FYB2: variants seen among roughly 807,000 people sequenced by gnomAD.
FYB2 encodes the protein FYN-binding protein 2.
In FYB2, 103 loss-of-function variants were observed where a neutral mutation model predicts 94.1. The observed-to-expected ratio is 1.09, with a 90% CI of 0.93 to 1.29. The LOEUF (loss-of-function observed/expected upper bound fraction) is 1.29. Among genes scored for constraint, FYB2 ranks in the 50% most tolerant of loss-of-function variants. The probability of loss-of-function intolerance (pLI) is 0.00; values close to 1 mark genes in which losing one functional copy is unlikely to be tolerated. For synonymous variants in FYB2, 293 were observed against 287.9 expected, an observed-to-expected ratio of 1.02 and a Z score of -0.18; for missense variants, 896 against 841.5, an observed-to-expected ratio of 1.06 and a Z score of -0.80.
At chr1:56,721,175 A>G (rs1455082872) in intron 17 of FYB2, among the ~76,000 whole-genome samples, 1 of 152,078 alleles carries the variant, frequency 6.6e-6, no homozygotes, top group East Asian at 1.9e-4. Flanking sequence ...ACTGACCTAT[A>G]CATCTGCAGC....
intron 4 of FYB2, among the ~76,000 whole-genome samples, chr1:56,786,618 A>T (rs1336097358): frequency 6.6e-6 from 1 of 152,176 alleles, no homozygotes; most frequent in African/African-American, 2.4e-5. Context: ...TCTGAGCCCA[A>T]GTATCTTGAG....
intron 4 of FYB2, among the ~76,000 whole-genome samples, chr1:56,775,099 T>A (rs1180976622): frequency 6.6e-6 from 1 of 152,152 alleles, no homozygotes; most frequent in Non-Finnish European, 1.5e-5. Flanking sequence ...GACTTCACCT[T>A]GTGATCATGT....
At chr1:56,796,636 T>G (rs1177838018) in intron 1 of FYB2, among the ~76,000 whole-genome samples, 1 of 152,170 alleles carries the variant, frequency 6.6e-6, no homozygotes, top group Non-Finnish European at 1.5e-5. Context: ...TAAGCTCAAA[T>G]TCTTTTGCTT....
At chr1:56,739,011 A>G (rs573832130) in intron 13 of FYB2, among the ~76,000 whole-genome samples, 14 of 152,164 alleles carry the variant, frequency 9.2e-5, no homozygotes, top group Non-Finnish European at 1.9e-4. Context: ...TGTTCAAAGC[A>G]TGGAGGCATG....
Position 56,719,511 on chromosome 1 carries a change from G to T in FYB2, c.*160C>A, listed in dbSNP as rs1569825635. ...GTAAAACCAACATCTAAATGTTGAG[G>T]ATTTGTTTTTATTTTTCTCTTTTAA... On this transcript the variant is annotated 3_prime_UTR_variant, in exon 20 of 20. Transcript: ENST00000343433. The T allele has an allele frequency of 1.7e-6, 1 of 604,842 alleles. No homozygotes were observed. Among genetic ancestry groups the T allele is most frequent in the East Asian group, 2.9e-5 (1 of 34,500 alleles). The allele number at this position is 604,842 out of a possible 1,614,324, so 37.5% of individuals were successfully genotyped here.
chr1:56,801,358 A>T (rs994506706), intron 1 of FYB2, among the ~76,000 whole-genome samples: 9 of 152,000 alleles, frequency 5.9e-5, no homozygotes. Flanking sequence ...ATCAAACTAA[A>T]CCTACTGCTT....
At chr1:56,774,678 G>A (rs760188405) in intron 4 of FYB2, among the ~76,000 whole-genome samples, 2 of 151,946 alleles carry the variant, frequency 1.3e-5, no homozygotes, top group Non-Finnish European at 2.9e-5. Context: ...ATTGAGTGTC[G>A]ACTTGATTGG....
chr1:56,752,848 T>C (rs1645232422), intron 8 of FYB2, among the ~76,000 whole-genome samples: 2 of 152,116 alleles, frequency 1.3e-5, no homozygotes, highest in Non-Finnish European at 2.9e-5. Flanking sequence ...ATGGCTAATA[T>C]CCTTAGTCAT....
At chr1:56,745,339 T>C (rs1645044105) in intron 9 of FYB2, among the ~76,000 whole-genome samples, 1 of 152,056 alleles carries the variant, frequency 6.6e-6, no homozygotes. Flanking sequence ...CCATTTCCTT[T>C]TGGTTGTCTA....
intron 4 of FYB2, among the ~76,000 whole-genome samples, chr1:56,780,439 T>C (rs778471861): frequency 6.6e-6 from 1 of 152,300 alleles, no homozygotes. Flanking sequence ...CCCTCTTTTG[T>C]TGTAGGTAAA....
chr1:56,730,933 C>A (rs781402362), intron 15 of FYB2, among the ~76,000 whole-genome samples: 3 of 152,042 alleles, frequency 2.0e-5, no homozygotes, highest in Non-Finnish European at 4.4e-5. Flanking sequence ...AGATAATACA[C>A]CATGATGTAG....
chr1:56,801,843 C>G (rs1646528670), intron 1 of FYB2, among the ~76,000 whole-genome samples: 1 of 152,198 alleles, frequency 6.6e-6, no homozygotes, highest in South Asian at 2.1e-4. Flanking sequence ...TCCACAGTTA[C>G]TTGGGTATGT....
intron 15 of FYB2, among the ~76,000 whole-genome samples, chr1:56,732,672 C>G (rs1379664954): frequency 6.6e-6 from 1 of 152,076 alleles, no homozygotes; most frequent in Non-Finnish European, 1.5e-5. Flanking sequence ...AGAAATTAAT[C>G]CATGTATCTA....
upstream of FYB2, chr1:56,819,629 C>T (rs950613128): frequency 2.1e-6 from 1 of 473,492 alleles, no homozygotes; most frequent in African/African-American, 1.9e-5. Context: ...GTCACTCACT[C>T]TCCAGGGCAT....
chr1:56,816,652 G>A (rs531450262), intron 1 of FYB2, among the ~76,000 whole-genome samples: 1 of 152,092 alleles, frequency 6.6e-6, no homozygotes. Context: ...TGCTATTCTA[G>A]ATAATGTAGA....
At chr1:56,819,527 G>T (rs529473363), upstream of FYB2, 14 of 603,708 alleles carry the variant, frequency 2.3e-5, no homozygotes, top group Admixed American at 3.5e-4. Flanking sequence ...ACCTGCAGGG[G>T]ACTGGGGAGA....
intron 7 of FYB2, 92 bp downstream of exon 7, chr1:56,755,804 G>A: frequency 7.8e-7 from 1 of 1,274,122 alleles, no homozygotes; most frequent in Non-Finnish European, 1.1e-6. Flanking sequence ...AGCTCAGTTT[G>A]GAAACATAGC....
chr1:56,813,321 G>T (rs72668389), intron 1 of FYB2, among the ~76,000 whole-genome samples: 15,588 of 152,092 alleles, frequency 0.1, 1,086 homozygotes, highest in Non-Finnish European at 0.14. Context: ...CACAATCATG[G>T]TAGAAGGCAA....
At chr1:56,733,327 C>T (rs1343091006) in intron 15 of FYB2, among the ~76,000 whole-genome samples, 1 of 151,950 alleles carries the variant, frequency 6.6e-6, no homozygotes, top group Non-Finnish European at 1.5e-5. Context: ...CTATTTTCTT[C>T]TTTATTAGTC....
Sources: allele counts gnomAD v4.1 joint callset (sites outside exome capture counted in the v4.1 genomes callset), GRCh38; gene constraint gnomAD v4.1.1; transcripts MANE v1.5; gene names NCBI Gene and HGNC (gene_info 2026-07-23, HGNC 2026-07-21).